The following ACLY variants were observed in gnomAD, a reference collection of about 807,000 sequenced individuals.
ACLY encodes ATP citrate lyase.
A neutral mutation model predicts 133.0 loss-of-function variants in ACLY; 41 were observed. The ratio of observed to expected loss-of-function variants is 0.31; its 90% confidence interval spans 0.24 to 0.40. ACLY has a LOEUF of 0.40. Ranked by LOEUF, ACLY falls within the 10% of genes least tolerant of loss-of-function variation. ACLY has a pLI of 1.00. For synonymous variants in ACLY, 495 were observed against 549.3 expected (o/e 0.90, Z 1.38); for missense variants, 1,046 against 1,453.8 (o/e 0.72, Z 4.56).
At chr17:41,918,225 G>A (rs1250209890) in intron 1 of ACLY, among the ~76,000 whole-genome samples, 2 of 152,322 alleles carry the variant, frequency 1.3e-5, no homozygotes, top group Non-Finnish European at 1.5e-5. Flanking sequence ...GTCACTTAGG[G>A]GCTGGACTCG....
chr17:41,891,074 G>T (rs1555629179), intron 16 of ACLY, among the ~76,000 whole-genome samples: 1 of 152,072 alleles, frequency 6.6e-6, no homozygotes, highest in African/African-American at 2.4e-5. Context: ...TTACTCTGCT[G>T]CCCAGGCTGG....
chr17:41,930,028 G>A (rs1196364128), intron 1 of ACLY, among the ~76,000 whole-genome samples: 1 of 152,214 alleles, frequency 6.6e-6, no homozygotes, highest in African/African-American at 2.4e-5. Context: ...TCCACTTTTG[G>A]AGGAGTGGTG....
chr17:41,896,614 T>C lies in ACLY; in HGVS notation c.1459+6A>G. On this transcript the variant is annotated splice_donor_region_variant and intron_variant, in intron 14 of 28. Coordinates refer to ENST00000352035, the MANE Select transcript of ACLY (RefSeq NM_001096.3). ...GCGGAGTGGGGGCAGGGTGGGGGCA[T>C]CCTACCTTGCAGGGATCTTGGACTT... The C allele has an allele frequency of 6.4e-7, 1 of 1,560,442 alleles. No homozygotes were observed. Among genetic ancestry groups the C allele is most frequent in the South Asian group, 1.2e-5 (1 of 82,604 alleles).
chr17:41,897,690 G>C (rs2049410572), intron 13 of ACLY, 59 bp downstream of exon 13: 2 of 1,493,252 alleles, frequency 1.3e-6, no homozygotes, highest in Admixed American at 3.9e-5. Flanking sequence ...AGGGGAGAGA[G>C]ATACAGAGGG....
At chr17:41,923,214 C>T (rs1322371075), upstream of ACLY, among the ~76,000 whole-genome samples, 1 of 152,086 alleles carries the variant, frequency 6.6e-6, no homozygotes, top group African/African-American at 2.4e-5. Context: ...TTTTGATTTT[C>T]CCATTTGAAT....
Position 41,901,749 on chromosome 17 carries a change from A to C in ACLY, c.1130T>G (p.Val377Gly). Residue 377 changes from valine to glycine, a missense_variant, in exon 11 of 29, where the codon GTC becomes GGC. Physicochemically the swap from Val to Gly is moderately radical, Grantham distance 109. This residue lies in a region of ACLY where 575 missense variants were observed against 804.2 expected (regional missense o/e 0.71). Coordinates refer to ENST00000352035, the MANE Select transcript of ACLY (RefSeq NM_001096.3). ...PLKEHEVTIF[V>G]RRGGPNYQEG... ...CTGATAGTTGGGGCCACCTCTTCGGACAAAGATTGTGACTTCGTGCTCCTT... is the reference window on the plus strand; with the variant it reads ...CTGATAGTTGGGGCCACCTCTTCGGCCAAAGATTGTGACTTCGTGCTCCTT... The C allele has an allele frequency of 1.2e-6, 2 of 1,609,096 alleles. No individual in the cohort carries two copies. Among genetic ancestry groups the C allele is most frequent in the Non-Finnish European group, 1.7e-6 (2 of 1,177,218 alleles).
chr17:41,892,588 A>AT (rs1344920015), intron 15 of ACLY, 141 bp from the exon 16 acceptor site: 2 of 726,978 alleles, frequency 2.8e-6, no homozygotes, highest in East Asian at 5.5e-5. Context: ...AGGGACAAAG[A>AT]TCCCCCAGGA....
At chr17:41,907,166 C>G (rs1304225637) in intron 7 of ACLY, among the ~76,000 whole-genome samples, 1 of 152,024 alleles carries the variant, frequency 6.6e-6, no homozygotes, top group East Asian at 1.9e-4. Flanking sequence ...AGGATTAAGG[C>G]GAGACACTTG....
chr17:41,925,648 G>A (rs1647810136), intron 1 of ACLY, among the ~76,000 whole-genome samples: 1 of 151,966 alleles, frequency 6.6e-6, no homozygotes, highest in Admixed American at 6.6e-5. Context: ...TGACTGTTGT[G>A]TTGAGAAGGA....
exon 1 of ACLY, chr17:41,930,453 GAGAGAACCGCCAGAGCGTGCAAC>G (rs1281993241): frequency 7.8e-6 from 3 of 384,370 alleles, no homozygotes; most frequent in African/African-American, 6.2e-5. Context: ...AGCAACTCCA[GAGAGAACCGCCAGAGCGTGCAAC>G]AGCAAACACT....
chr17:41,893,284 G>T, intron 14 of ACLY, 110 bp from the exon 15 acceptor site: 1 of 1,243,386 alleles, frequency 8.0e-7, no homozygotes, highest in Non-Finnish European at 1.1e-6. Context: ...ACAGGGTGAT[G>T]CCTCATCACA....
At chr17:41,896,709 G>C in intron 13 of ACLY, 60 bp from the exon 14 acceptor site, 1 of 1,468,750 alleles carries the variant, frequency 6.8e-7, no homozygotes. Context: ...GGCTTTGGAG[G>C]GAGAGGGTGG....
chr17:41,883,530 T>A (rs1267745232), intron 19 of ACLY, among the ~76,000 whole-genome samples: 6 of 151,964 alleles, frequency 3.9e-5, no homozygotes, highest in African/African-American at 1.5e-4. Flanking sequence ...AAATTTTTTT[T>A]AACCGTTCTA....
At chr17:41,883,341 T>A (rs2048969044) in intron 19 of ACLY, 109 bp from the exon 20 acceptor site, 2 of 842,562 alleles carry the variant, frequency 2.4e-6, no homozygotes, top group Non-Finnish European at 3.8e-6. Context: ...AAAAGGAGTT[T>A]AATTTCAGCC....
Position 41,867,539 on chromosome 17 carries a change from C to T in ACLY, c.*271G>A. ...CCATCCTGACAGTACTTAGATGCTT[C>T]CATATAATAAATACAGCAGGTAGCA... On this transcript the variant is annotated 3_prime_UTR_variant, in exon 29 of 29. Coordinates refer to ENST00000352035, the MANE Select transcript of ACLY (RefSeq NM_001096.3). 1 of 251,822 alleles carries T rather than the reference C, an allele frequency of 4.0e-6. No homozygotes were observed. The highest frequency in any genetic ancestry group is 7.8e-5 in the East Asian group (1 of 12,778). The allele number at this position is 251,822 out of a possible 1,614,324, so 15.6% of individuals were successfully genotyped here.
chr17:41,877,479 C>T (rs2048795668), intron 22 of ACLY, among the ~76,000 whole-genome samples: 1 of 141,736 alleles, frequency 7.1e-6, no homozygotes, highest in African/African-American at 2.6e-5. Flanking sequence ...CAGACAGGGT[C>T]TCACTCTGTC....
In ACLY at chr17:41,897,792, A is replaced by T. The variant is rs2049414736; in HGVS notation, c.1386T>A (p.Asp462Glu). 6.2e-7 allele frequency: 1 copy of T among 1,613,528 alleles called. No homozygotes were observed. The highest frequency in any genetic ancestry group is 8.5e-7 in the Non-Finnish European group (1 of 1,179,788). Reference sequence around the variant, plus strand: ...TGGCCTTCTTTGCAGGCGCCACCTCATCGGCCCTGGACTCAGAAAAAGATG... The same window carrying T: ...TGGCCTTCTTTGCAGGCGCCACCTCTTCGGCCCTGGACTCAGAAAAAGATG... The part of the protein sequence containing the change: ...RTASFSESRA[D>E]EVAPAKKAKP... Residue 462 changes from aspartate (D) to glutamate (E), a missense_variant, in exon 13 of 29, where the codon GAT (aspartate) becomes GAA (glutamate). Asp to Glu is a conservative substitution (Grantham distance 45, BLOSUM62 2). Coordinates refer to ENST00000352035, the MANE Select transcript of ACLY (RefSeq NM_001096.3).
At chr17:41,904,515 T>C (rs782253945) in intron 10 of ACLY, 89 of 579,498 alleles carry the variant, frequency 1.5e-4, no homozygotes, top group Non-Finnish European at 2.6e-4. Flanking sequence ...TAGTTCAGCG[T>C]AGCAGCTGCT....
intron 22 of ACLY, among the ~76,000 whole-genome samples, chr17:41,875,882 A>G: frequency 6.6e-6 from 1 of 151,678 alleles, no homozygotes; most frequent in East Asian, 2.0e-4. Context: ...GGAAGTGAGG[A>G]GCGTCTCTGC....
Sources: allele counts gnomAD v4.1 joint callset (sites outside exome capture counted in the v4.1 genomes callset), GRCh38; gene constraint gnomAD v4.1.1; regional missense constraint gnomAD v4.1.1; transcripts MANE v1.5; gene names NCBI Gene and HGNC (gene_info 2026-07-23, HGNC 2026-07-21).